TARS1: variants seen among roughly 807,000 people sequenced by gnomAD.
The protein encoded by TARS1 is threonine--tRNA ligase 1, cytoplasmic.
A neutral mutation model predicts 97.7 loss-of-function variants in TARS1; 57 were observed. The ratio of observed to expected loss-of-function variants is 0.58; its 90% confidence interval spans 0.47 to 0.73. TARS1 has a LOEUF of 0.73. Ranked by LOEUF, TARS1 falls within the 30% of genes least tolerant of loss-of-function variation. TARS1 has a pLI of 0.00. For missense variants in TARS1, 806 were observed against 888.3 expected (o/e 0.91, Z 1.18); for synonymous variants, 312 against 293.7 (o/e 1.06, Z -0.64).
At chr5:33,449,103 A>G (rs1298869989) in intron 3 of TARS1, among the ~76,000 whole-genome samples, 1 of 152,188 alleles carries the variant, frequency 6.6e-6, no homozygotes, top group Admixed American at 6.5e-5. Flanking sequence ...AAGAAACTTC[A>G]TATAACACAT....
chr5:33,466,821 A>G (rs1579595834), intron 17 of TARS1, 50 bp from the exon 18 acceptor site: 4 of 1,362,330 alleles, frequency 2.9e-6, no homozygotes, highest in East Asian at 4.9e-5. Context: ...TGAGATCAAA[A>G]TATAATTCTG....
At chr5:33,467,168 G>GTT (rs35079782) in intron 18 of TARS1, among the ~76,000 whole-genome samples, 183 bp downstream of exon 18, 1 of 144,290 alleles carries the variant, frequency 6.9e-6, no homozygotes, top group Admixed American at 6.9e-5. Context: ...TACATACTGG[G>GTT]TTTTTTTTTT....
At position 33,467,784 on chromosome 5, in the gene TARS1, A is replaced by G. The variant is rs1417421632; in HGVS notation, c.*76A>G. ...GTAAAATTGACTTTGTACTCTGAAAACGTCAATTTATATTGAACTTGGAGG... is the reference window on the plus strand; with the variant it reads ...GTAAAATTGACTTTGTACTCTGAAAGCGTCAATTTATATTGAACTTGGAGG... On this transcript the variant is annotated 3_prime_UTR_variant, in exon 19 of 19. Coordinates refer to ENST00000265112, the MANE Select transcript of TARS1 (RefSeq NM_152295.5). 11 of 1,486,988 alleles carry G rather than the reference A, an allele frequency of 7.4e-6. No individual in the cohort carries two copies. Among genetic ancestry groups the G allele is most frequent in the African/African-American group, 2.8e-5 (2 of 70,422 alleles). The allele number at this position is 1,486,988 out of a possible 1,614,324, so 92.1% of individuals were successfully genotyped here.
intron 10 of TARS1, 151 bp from the exon 11 acceptor site, chr5:33,459,544 C>G: frequency 1.1e-6 from 1 of 907,030 alleles, no homozygotes; most frequent in Non-Finnish European, 1.6e-6. Context: ...AGAGTTTTCT[C>G]TCTGGTATAT....
chr5:33,457,247 T>C lies in TARS1; in HGVS notation c.838-10T>C. 6.2e-7 allele frequency: 1 copy of C among 1,610,062 alleles called. No individual in the cohort carries two copies. The highest frequency in any genetic ancestry group is 1.3e-5 in the African/African-American group (1 of 74,804). On this transcript the variant is annotated splice_polypyrimidine_tract_variant and intron_variant, in intron 8 of 18. Coordinates refer to ENST00000265112, the MANE Select transcript of TARS1 (RefSeq NM_152295.5). ...TTGAATGTTGTTTCATGGTTAATCC[T>C]TGTTTTCAGAATTCCTCCACGTACT... is the stretch of plus-strand genomic sequence containing the variant.
chr5:33,460,856 G>A (rs1482405468), intron 11 of TARS1, 46 bp from the exon 12 acceptor site: 2 of 1,604,940 alleles, frequency 1.2e-6, no homozygotes, highest in Non-Finnish European at 1.7e-6. Context: ...CATTACAGAA[G>A]CAGTTTTATT....
chr5:33,449,347 A>G (rs1341674499), intron 3 of TARS1, among the ~76,000 whole-genome samples: 1 of 147,278 alleles, frequency 6.8e-6, no homozygotes, highest in Admixed American at 6.7e-5. Flanking sequence ...ATACACGTGT[A>G]TATATATATA....
At chr5:33,461,795 A>T in intron 14 of TARS1, 51 bp downstream of exon 14, 1 of 1,599,422 alleles carries the variant, frequency 6.3e-7, no homozygotes, top group Non-Finnish European at 8.6e-7. Flanking sequence ...GTGGATGAAG[A>T]AGATACGACT....
chr5:33,465,951 G>A (rs149632383), intron 17 of TARS1: 1 of 152,304 alleles, frequency 6.6e-6, no homozygotes, highest in Non-Finnish European at 1.5e-5. Flanking sequence ...TACTTAAGAT[G>A]TTTTCCTGGA....
At position 33,453,260 on chromosome 5, in the gene TARS1, G is replaced by A. The variant is rs372038429; in HGVS notation, c.330-29G>A. ...GATTCGTGTGTACTTATATATGTGT[G>A]GACTTTTTTTTTTTTTTTTTTTTTT... On this transcript the variant is annotated intron_variant, in intron 3 of 18. Coordinates refer to ENST00000265112, the MANE Select transcript of TARS1 (RefSeq NM_152295.5). The A allele has an allele frequency of 2.0e-4, 290 of 1,442,294 alleles. 1 individual carries two copies. Among genetic ancestry groups the A allele is most frequent in the Non-Finnish European group, 2.6e-4 (280 of 1,067,896 alleles). The allele number at this position is 1,442,294 out of a possible 1,614,324, so 89.3% of individuals were successfully genotyped here.
At chr5:33,440,822 C>T (rs1017403874), upstream of TARS1, 4 of 548,408 alleles carry the variant, frequency 7.3e-6, no homozygotes, top group Non-Finnish European at 1.3e-5. Flanking sequence ...CTCCTCCTCA[C>T]CCTCCGCGAC....
At chr5:33,459,658 T>C in intron 10 of TARS1, 37 bp from the exon 11 acceptor site, 10 of 1,608,912 alleles carry the variant, frequency 6.2e-6, no homozygotes, top group Non-Finnish European at 8.5e-6. Flanking sequence ...TATGAGCATT[T>C]ATTTGCCTAC....
chr5:33,462,596 A>G (rs1742347376), intron 16 of TARS1, among the ~76,000 whole-genome samples: 1 of 152,216 alleles, frequency 6.6e-6, no homozygotes, highest in South Asian at 2.1e-4. Flanking sequence ...AGCCTTGCTA[A>G]TCATAACAAG....
chr5:33,460,019 A>G (rs946362987), intron 11 of TARS1, 158 bp downstream of exon 11: 3 of 630,538 alleles, frequency 4.8e-6, no homozygotes, highest in Non-Finnish European at 7.3e-6. Context: ...GCACCTGATT[A>G]GATCCCCACT....
chr5:33,446,617 A>T, intron 2 of TARS1: 1 of 1,238,988 alleles, frequency 8.1e-7, no homozygotes, highest in Non-Finnish European at 1.1e-6. Context: ...GGCAACTTGC[A>T]GGTTTTATTC....
chr5:33,454,486 ACCAC>A (rs982524192), intron 4 of TARS1, among the ~76,000 whole-genome samples: 46 of 152,264 alleles, frequency 3.0e-4, no homozygotes, highest in African/African-American at 1.1e-3. Context: ...GTCGGGTTGT[ACCAC>A]CTTTGTTTTG....
In TARS1 at chr5:33,456,872, A is replaced by T. The variant is rs1289919494; in HGVS notation, c.838-385A>T. ...GGAAATGAGGTTGCAGTGAATGGAG[A>T]TCGTGCCACTGCACTCCAGGCTCAA... On this transcript the variant is annotated intron_variant, in intron 8 of 18. Coordinates refer to ENST00000265112, the MANE Select transcript of TARS1 (RefSeq NM_152295.5). 2.0e-5 allele frequency among the ~76,000 whole-genome samples: 3 copies of T among 152,218 alleles called. No individual in the cohort carries two copies. The East Asian group carries it at 5.8e-4, about 29-fold the overall frequency.
intron 5 of TARS1, 142 bp downstream of exon 5, chr5:33,455,208 T>C (rs1741954774): frequency 9.0e-7 from 1 of 1,116,344 alleles, no homozygotes; most frequent in African/African-American, 1.6e-5. Flanking sequence ...ACTTGAAGTG[T>C]TGCAATTTAC....
intron 2 of TARS1, among the ~76,000 whole-genome samples, chr5:33,447,583 C>T (rs1741482590): frequency 6.6e-6 from 1 of 152,166 alleles, no homozygotes; most frequent in Non-Finnish European, 1.5e-5. Flanking sequence ...TTCCCTTGTA[C>T]TCCTTTCAAA....
Sources: gnomAD v4.1 joint callset for allele counts (sites outside exome capture counted in the v4.1 genomes callset) on GRCh38, gnomAD v4.1.1 for gene constraint, MANE v1.5 for transcripts, NCBI Gene and HGNC (gene_info 2026-07-23, HGNC 2026-07-21) for gene names.